SUGCT: variants seen among roughly 807,000 people sequenced by gnomAD.
SUGCT encodes succinyl-CoA:glutarate CoA-transferase.
In SUGCT, 41 loss-of-function variants were observed where a neutral mutation model predicts 55.0. That is an observed-to-expected ratio of 0.74 (90% CI 0.58 to 0.97). The LOEUF is 0.97. Among genes scored for constraint, SUGCT ranks in the 50% least tolerant of loss-of-function variants. The pLI is 0.00. For missense variants in SUGCT, 568 were observed against 547.8 expected, an observed-to-expected ratio of 1.04 and a Z score of -0.37; for synonymous variants, 187 against 200.4, an observed-to-expected ratio of 0.93 and a Z score of 0.56.
chr7:41,012,763 C>CA, the SUGCT span, among the ~76,000 whole-genome samples: 2 of 146,178 alleles, frequency 1.4e-5, no homozygotes, highest in South Asian at 2.1e-4. Flanking sequence ...TCCAGAGAAA[C>CA]TAAAAAAAAA....
At chr7:40,934,817 AGTGTCCT>A in the SUGCT span, among the ~76,000 whole-genome samples, 61 of 152,336 alleles carry the variant, frequency 4.0e-4, no homozygotes, top group Admixed American at 4.0e-3. Flanking sequence ...TTTGGGCAGA[AGTGTCCT>A]GTTTTTCCAG....
intron 12 of SUGCT, among the ~76,000 whole-genome samples, chr7:40,602,167 T>C (rs1215011122): frequency 6.6e-6 from 1 of 152,178 alleles, no homozygotes; most frequent in African/African-American, 2.4e-5. Context: ...AGGTCAACCC[T>C]CAAACCATGG....
chr7:40,961,836 G>A, the SUGCT span, among the ~76,000 whole-genome samples: 1 of 152,126 alleles, frequency 6.6e-6, no homozygotes, highest in Non-Finnish European at 1.5e-5. Flanking sequence ...GGAGTTGTTT[G>A]TTCCTCCCGG....
chr7:40,322,280 G>A (rs1336627390), intron 9 of SUGCT, among the ~76,000 whole-genome samples: 1 of 152,040 alleles, frequency 6.6e-6, no homozygotes, highest in African/African-American at 2.4e-5. Flanking sequence ...GAGGTCCCTT[G>A]TCTCTCTTCT....
At chr7:40,365,001 C>T (rs988696817) in intron 9 of SUGCT, among the ~76,000 whole-genome samples, 2 of 152,020 alleles carry the variant, frequency 1.3e-5, no homozygotes, top group Non-Finnish European at 2.9e-5. Context: ...AACATTGATG[C>T]AAAAATGCTC....
At chr7:40,767,660 A>C (rs1408670062) in intron 13 of SUGCT, among the ~76,000 whole-genome samples, 1 of 152,204 alleles carries the variant, frequency 6.6e-6, no homozygotes, top group African/African-American at 2.4e-5. Flanking sequence ...ATTTAGCAAG[A>C]GATGAAAAGG....
chr7:40,969,506 T>C, the SUGCT span, among the ~76,000 whole-genome samples: 1 of 152,242 alleles, frequency 6.6e-6, no homozygotes, highest in East Asian at 1.9e-4. Flanking sequence ...GACCATACCA[T>C]GCCTGGCTAT....
chr7:40,296,544 A>G (rs907970317), intron 8 of SUGCT, among the ~76,000 whole-genome samples: 1 of 150,848 alleles, frequency 6.6e-6, no homozygotes, highest in African/African-American at 2.4e-5. Flanking sequence ...ATGCAATGCA[A>G]TTTTTTTTTC....
At chr7:40,649,876 A>C (rs1024022392) in intron 12 of SUGCT, among the ~76,000 whole-genome samples, 1 of 152,218 alleles carries the variant, frequency 6.6e-6, no homozygotes, top group Admixed American at 6.5e-5. Context: ...TATATTGGTT[A>C]TTTATTGCTG....
At chr7:40,929,775 T>C in the SUGCT span, among the ~76,000 whole-genome samples, 1 of 152,216 alleles carries the variant, frequency 6.6e-6, no homozygotes, top group East Asian at 1.9e-4. Context: ...GTTGTTTGTT[T>C]TTTCTTGTAA....
At chr7:40,377,302 G>A (rs562253254) in intron 9 of SUGCT, among the ~76,000 whole-genome samples, 2 of 146,630 alleles carry the variant, frequency 1.4e-5, no homozygotes, top group South Asian at 4.5e-4. Flanking sequence ...GAGTGCAGTG[G>A]CATGATCTCT....
chr7:40,678,515 G>A (rs1044038493), intron 12 of SUGCT, among the ~76,000 whole-genome samples: 2 of 152,172 alleles, frequency 1.3e-5, no homozygotes, highest in Non-Finnish European at 1.5e-5. Flanking sequence ...ACAGTGGGGT[G>A]TGAATGGCAA....
chr7:40,245,388 A>G (rs948470892), intron 7 of SUGCT, among the ~76,000 whole-genome samples: 10 of 100,042 alleles, frequency 1.0e-4, no homozygotes, highest in Non-Finnish European at 2.0e-4. Flanking sequence ...TTAAATTTTT[A>G]TAGGTACGTA....
At chr7:40,801,827 C>T (rs1563013564) in intron 13 of SUGCT, among the ~76,000 whole-genome samples, 3 of 151,692 alleles carry the variant, frequency 2.0e-5, no homozygotes, top group Non-Finnish European at 4.4e-5. Context: ...TGCTCAGGCC[C>T]TCTGGGTCAG....
chr7:40,299,946 C>G, intron 8 of SUGCT, among the ~76,000 whole-genome samples: 1 of 151,964 alleles, frequency 6.6e-6, no homozygotes, highest in East Asian at 1.9e-4. Context: ...ATTAGAACAG[C>G]CAGTATACTT....
At chr7:40,347,947 T>C (rs1348650689) in intron 9 of SUGCT, among the ~76,000 whole-genome samples, 1 of 152,230 alleles carries the variant, frequency 6.6e-6, no homozygotes, top group Non-Finnish European at 1.5e-5. Context: ...ATTCTTTTCT[T>C]GGGAGGTACT....
At chr7:40,828,786 C>T (rs532634214) in intron 13 of SUGCT, among the ~76,000 whole-genome samples, 151 of 152,116 alleles carry the variant, frequency 9.9e-4, no homozygotes, top group Non-Finnish European at 1.9e-3. Flanking sequence ...CCTCCAGCGG[C>T]GCCACAGTTC....
At chr7:40,674,187 A>C (rs1315979239) in intron 12 of SUGCT, among the ~76,000 whole-genome samples, 2 of 152,226 alleles carry the variant, frequency 1.3e-5, no homozygotes, top group African/African-American at 2.4e-5. Flanking sequence ...GGAAGGTATA[A>C]ATTTTATAAA....
intron 12 of SUGCT, among the ~76,000 whole-genome samples, chr7:40,584,733 G>T (rs192792187): frequency 6.6e-6 from 1 of 152,284 alleles, no homozygotes; most frequent in Admixed American, 6.5e-5. Context: ...TATGGATATT[G>T]TTCCAAATCC....
Sources: allele counts gnomAD v4.1 joint callset (sites outside exome capture counted in the v4.1 genomes callset), GRCh38; gene constraint gnomAD v4.1.1; transcripts MANE v1.5; gene names NCBI Gene and HGNC (gene_info 2026-07-23, HGNC 2026-07-21).